PIEZO2: variants seen among roughly 807,000 people sequenced by gnomAD.
PIEZO2 encodes piezo type mechanosensitive ion channel component 2.
A neutral mutation model predicts 337.3 loss-of-function variants in PIEZO2; 172 were observed. The ratio of observed to expected loss-of-function variants is 0.51; its 90% CI spans 0.45 to 0.58. The LOEUF is 0.58. Among genes scored for constraint, PIEZO2 ranks in the 20% least tolerant of loss-of-function variants. The probability of loss-of-function intolerance (pLI) is 0.00; values close to 1 mark genes in which losing one functional copy is unlikely to be tolerated. For missense variants in PIEZO2, 3,028 were observed against 3,391.3 expected, an observed-to-expected ratio of 0.89 and a Z score of 2.66; for synonymous variants, 1,251 against 1,228.5, an observed-to-expected ratio of 1.02 and a Z score of -0.38.
chr18:10,854,459 A>T lies in PIEZO2; in HGVS notation c.917+894T>A, dbSNP rs1051459633. Among the ~76,000 whole-genome samples, 1 of 152,326 alleles carries T rather than the reference A, an allele frequency of 6.6e-6. No individual in the cohort carries two copies. The highest frequency in any genetic ancestry group is 6.5e-5 in the Admixed American group (1 of 15,314). ...TAATAGAACATATCATTAAGGATTG[A>T]TGAATAGTAATTCTCTAATTCTATT... On this transcript the variant is annotated intron_variant, in intron 7 of 55. Coordinates refer to ENST00000674853, the MANE Select transcript of PIEZO2 (RefSeq NM_001378183.1). This position sits in a 1 kb window ranked among gnomAD's most constrained non-coding sequence, Gnocchi z 4.6.
At chr18:10,770,852 C>T (rs2038576046) in intron 20 of PIEZO2, among the ~76,000 whole-genome samples, 1 of 151,764 alleles carries the variant, frequency 6.6e-6, no homozygotes, top group Non-Finnish European at 1.5e-5. Flanking sequence ...AAGCGATTCT[C>T]CTTGAGTAGC....
At chr18:11,071,002 T>C (rs578260310) in intron 1 of PIEZO2, among the ~76,000 whole-genome samples, 3 of 152,264 alleles carry the variant, frequency 2.0e-5, no homozygotes, top group African/African-American at 7.2e-5. Context: ...TGGTGCCTGC[T>C]TCCATGGCTG....
At chr18:10,882,088 G>A (rs1174433064) in intron 4 of PIEZO2, among the ~76,000 whole-genome samples, 1 of 152,022 alleles carries the variant, frequency 6.6e-6, no homozygotes. Context: ...ACTTGTTGAG[G>A]GCAATATTTA....
In PIEZO2 at chr18:10,830,937, G is replaced by T. The variant is rs939551828; in HGVS notation, c.918-23663C>A. On this transcript the variant is annotated intron_variant, in intron 7 of 55. Coordinates refer to ENST00000674853, the MANE Select transcript of PIEZO2 (RefSeq NM_001378183.1). The surrounding 1 kb of genome is among the most constrained non-coding windows in gnomAD (Gnocchi z 4.7). Reference sequence around the variant, plus strand: ...AAACAGGCATATGCAAAAGTGCTTAGCATAATTTATCACCAGAGAAATGCG... The same window carrying T: ...AAACAGGCATATGCAAAAGTGCTTATCATAATTTATCACCAGAGAAATGCG... Among the ~76,000 whole-genome samples the T allele has an allele frequency of 4.6e-5, 7 of 152,194 alleles. No homozygotes were observed. The highest frequency in any genetic ancestry group is 2.9e-5 in the Non-Finnish European group (2 of 68,028).
intron 3 of PIEZO2, among the ~76,000 whole-genome samples, chr18:10,934,640 T>C (rs981775013): frequency 1.8e-5 from 2 of 111,494 alleles, no homozygotes; most frequent in Non-Finnish European, 3.7e-5. Flanking sequence ...TGTGTACGTG[T>C]GTGTGTGTGT....
intron 2 of PIEZO2, among the ~76,000 whole-genome samples, chr18:11,036,120 T>C (rs1248949709): frequency 6.6e-6 from 1 of 152,216 alleles, no homozygotes; most frequent in African/African-American, 2.4e-5. Context: ...TGAGAACCCC[T>C]TGGCCTAAAG....
At chr18:10,947,860 C>T (rs557810304) in intron 3 of PIEZO2, among the ~76,000 whole-genome samples, 1 of 152,040 alleles carries the variant, frequency 6.6e-6, no homozygotes, top group Non-Finnish European at 1.5e-5. Flanking sequence ...TTGCAAAGTT[C>T]ATAATAAATG....
At chr18:11,135,475 C>G (rs558457217) in intron 1 of PIEZO2, among the ~76,000 whole-genome samples, 1 of 152,306 alleles carries the variant, frequency 6.6e-6, no homozygotes, top group Admixed American at 6.5e-5. Flanking sequence ...CAAATATGCT[C>G]TTTTAAAGAA....
At chr18:10,937,775 G>A (rs2032487001) in intron 3 of PIEZO2, among the ~76,000 whole-genome samples, 1 of 152,174 alleles carries the variant, frequency 6.6e-6, no homozygotes, top group East Asian at 1.9e-4. Flanking sequence ...TGTCCTAGGA[G>A]TCCTTTTCAC....
At chr18:10,820,708 C>G (rs1016203762) in intron 7 of PIEZO2, among the ~76,000 whole-genome samples, 1 of 152,158 alleles carries the variant, frequency 6.6e-6, no homozygotes, top group Non-Finnish European at 1.5e-5. Context: ...ATTGTTATTT[C>G]TACATTATCG....
intron 3 of PIEZO2, among the ~76,000 whole-genome samples, chr18:10,944,871 G>A (rs892006445): frequency 6.6e-6 from 1 of 152,086 alleles, no homozygotes; most frequent in Non-Finnish European, 1.5e-5. Flanking sequence ...ACGAAAGACA[G>A]TGGTTCCTAA....
At chr18:11,113,777 C>T (rs1367012388) in intron 1 of PIEZO2, among the ~76,000 whole-genome samples, 1 of 152,190 alleles carries the variant, frequency 6.6e-6, no homozygotes, top group Non-Finnish European at 1.5e-5. Flanking sequence ...TCCTGGCCAC[C>T]GCCCTCCAAA....
intron 7 of PIEZO2, among the ~76,000 whole-genome samples, chr18:10,812,225 G>A (rs1472933672): frequency 6.6e-6 from 1 of 152,208 alleles, no homozygotes; most frequent in African/African-American, 2.4e-5. Flanking sequence ...AAGCAAGCCT[G>A]AATGATTCCA....
Position 10,859,893 on chromosome 18 carries a change from G to A in PIEZO2, c.493-2682C>T, listed in dbSNP as rs903785291. 6.6e-6 allele frequency among the ~76,000 whole-genome samples: 1 copy of A among 152,174 alleles called. No individual in the cohort carries two copies. Among genetic ancestry groups the A allele is most frequent in the Non-Finnish European group, 1.5e-5 (1 of 68,026 alleles). On this transcript the variant is annotated intron_variant, in intron 5 of 55. Transcript: ENST00000674853. This position sits in a 1 kb window ranked among gnomAD's most constrained non-coding sequence, Gnocchi z 4.9. The stretch of plus-strand genomic sequence containing the variant: ...GGAGAGGGGAGGGAGTGGTGGGGCT[G>A]AAGTGAAGATCCTGTCTTTGGAGTC...
intron 3 of PIEZO2, among the ~76,000 whole-genome samples, chr18:10,949,168 T>C (rs1467827370): frequency 6.6e-6 from 1 of 151,896 alleles, no homozygotes; most frequent in South Asian, 2.1e-4. Context: ...ACATTTTGAA[T>C]TTTTTAATTG....
chr18:10,699,927 T>TC (rs1293001590), intron 43 of PIEZO2, among the ~76,000 whole-genome samples: 1 of 152,198 alleles, frequency 6.6e-6, no homozygotes, highest in Non-Finnish European at 1.5e-5. Context: ...GGACAAGAGC[T>TC]CCAGGCCAAT....
At chr18:11,054,552 C>A (rs2037647104) in intron 2 of PIEZO2, among the ~76,000 whole-genome samples, 1 of 152,174 alleles carries the variant, frequency 6.6e-6, no homozygotes, top group African/African-American at 2.4e-5. Flanking sequence ...TCCTTGCCAT[C>A]TTGATGTTTA....
At chr18:10,701,090 T>C (rs539853933) in intron 43 of PIEZO2, among the ~76,000 whole-genome samples, 1 of 152,376 alleles carries the variant, frequency 6.6e-6, no homozygotes, top group East Asian at 1.9e-4. Flanking sequence ...TATTAACTTA[T>C]GCCAAGCCTG....
Position 10,705,609 on chromosome 18 carries a change from C to T in PIEZO2, c.5726G>A (p.Gly1909Glu). The T allele has an allele frequency of 6.5e-7, 1 of 1,537,170 alleles. No homozygotes were observed. The highest frequency in any genetic ancestry group is 8.7e-7 in the Non-Finnish European group (1 of 1,146,896). ...PREAKEYEAT[G>E]YDVGAMGAEE... ...GGCACCCATGGCTCCCACATCGTACCCAGTGGCCTCGTACTCCTTGGCCTC... is the reference window on the plus strand; with the variant it reads ...GGCACCCATGGCTCCCACATCGTACTCAGTGGCCTCGTACTCCTTGGCCTC... Residue 1909 changes from glycine (G) to glutamate (E), a missense_variant, in exon 41 of 56, where the codon GGG becomes GAG. This residue lies in a region of PIEZO2 where 1,925 missense variants were observed against 2,051.9 expected (regional missense o/e 0.94). Transcript: ENST00000674853.
Sources: allele counts gnomAD v4.1 joint callset (sites outside exome capture counted in the v4.1 genomes callset), GRCh38; gene constraint gnomAD v4.1.1; regional missense constraint gnomAD v4.1.1; non-coding constraint Gnocchi (gnomAD v3.1); transcripts MANE v1.5; gene names NCBI Gene and HGNC (gene_info 2026-07-23, HGNC 2026-07-21).